Variants in LDB2 observed in about 807,000 individuals in gnomAD.
LDB2 encodes the protein LIM domain binding 2.
In LDB2, 12 loss-of-function variants were observed where a neutral mutation model predicts 44.3. The observed-to-expected ratio is 0.27, with a 90% CI of 0.17 to 0.44. The LOEUF is 0.44. LDB2 is among the 20% of genes least tolerant of loss of function. LDB2 has a pLI of 1.00. For synonymous variants in LDB2, 164 were observed against 174.8 expected (o/e 0.94, Z 0.49); for missense variants, 344 against 473.5 (o/e 0.73, Z 2.54).
At chr4:16,576,944 A>G (rs528752690) in intron 5 of LDB2, among the ~76,000 whole-genome samples, 39 of 152,352 alleles carry the variant, frequency 2.6e-4, no homozygotes, top group African/African-American at 8.2e-4. Flanking sequence ...AAATCAATCA[A>G]TATGATACAT....
chr4:16,563,854 C>T (rs1560486924), intron 5 of LDB2, among the ~76,000 whole-genome samples: 1 of 152,118 alleles, frequency 6.6e-6, no homozygotes, highest in Non-Finnish European at 1.5e-5. Flanking sequence ...CTGCAGTCCC[C>T]AGTTCATGGC....
At position 16,890,386 on chromosome 4, in the gene LDB2, G is replaced by C. The variant is rs552832089; in HGVS notation, c.132+7968C>G. 1.3e-3 allele frequency among the ~76,000 whole-genome samples: 198 copies of C among 152,322 alleles called. No individual in the cohort carries two copies. The Middle Eastern group carries it at 0.017, about 13-fold the overall frequency. On this transcript the variant is annotated intron_variant, in intron 1 of 7. Transcript: ENST00000304523. ...CGGAGTGCTGTTAAGAGGCCGTCCTGATTCCAAAAAGAGAGGCTGGGGGCT... is the reference window on the plus strand; with the variant it reads ...CGGAGTGCTGTTAAGAGGCCGTCCTCATTCCAAAAAGAGAGGCTGGGGGCT...
At chr4:16,523,014 G>A (rs1726849419) in intron 5 of LDB2, among the ~76,000 whole-genome samples, 1 of 152,226 alleles carries the variant, frequency 6.6e-6, no homozygotes, top group Non-Finnish European at 1.5e-5. Flanking sequence ...ATGAAGGCCA[G>A]TGGCCCAGAA....
At chr4:16,678,650 T>C (rs1746954144) in intron 2 of LDB2, among the ~76,000 whole-genome samples, 1 of 152,204 alleles carries the variant, frequency 6.6e-6, no homozygotes, top group African/African-American at 2.4e-5. Flanking sequence ...TCCAGCTTGG[T>C]TTTATTCTCT....
intron 5 of LDB2, among the ~76,000 whole-genome samples, chr4:16,576,548 C>A (rs912012673): frequency 1.6e-4 from 25 of 152,096 alleles, no homozygotes; most frequent in African/African-American, 6.0e-4. Flanking sequence ...AATCCAAAAC[C>A]TGAACACCTC....
intron 1 of LDB2, among the ~76,000 whole-genome samples, chr4:16,800,651 A>T (rs1269712101): frequency 1.3e-5 from 2 of 152,188 alleles, no homozygotes; most frequent in African/African-American, 2.4e-5. Context: ...ATAGAGAGGA[A>T]TAGAAGACGT....
intron 2 of LDB2, among the ~76,000 whole-genome samples, chr4:16,614,809 G>T (rs553927544): frequency 2.0e-5 from 3 of 151,770 alleles, no homozygotes; most frequent in Non-Finnish European, 4.4e-5. Context: ...GGTGGCTCAC[G>T]CCTGTAATCC....
chr4:16,805,833 G>A (rs912777648), intron 1 of LDB2, among the ~76,000 whole-genome samples: 7 of 152,178 alleles, frequency 4.6e-5, no homozygotes, highest in African/African-American at 1.4e-4. Flanking sequence ...TGTGCCATGG[G>A]GAGAAATTAT....
chr4:16,862,956 C>A lies in LDB2; in HGVS notation c.132+35398G>T, dbSNP rs150080721. On this transcript the variant is annotated intron_variant, in intron 1 of 7. Coordinates refer to ENST00000304523, the MANE Select transcript of LDB2 (RefSeq NM_001290.5). ...GACGAGGAAAGGAAAGAGCGTCCAGCGAGTCAGAGTCAGCTGAGTAAGGGC... is the reference window on the plus strand; with the variant it reads ...GACGAGGAAAGGAAAGAGCGTCCAGAGAGTCAGAGTCAGCTGAGTAAGGGC... Among the ~76,000 whole-genome samples the A allele has an allele frequency of 1.1e-3, 169 of 152,220 alleles. 1 individual carries two copies. The highest frequency in any genetic ancestry group is 3.9e-3 in the African/African-American group (160 of 41,532).
intron 1 of LDB2, among the ~76,000 whole-genome samples, chr4:16,867,113 G>A (rs918921444): frequency 1.3e-5 from 2 of 152,124 alleles, no homozygotes; most frequent in African/African-American, 2.4e-5. Flanking sequence ...ATGCTGTGGG[G>A]AAGTCCAAGG....
At chr4:16,739,054 AG>A (rs1762431853) in intron 2 of LDB2, among the ~76,000 whole-genome samples, 1 of 152,112 alleles carries the variant, frequency 6.6e-6, no homozygotes, top group Non-Finnish European at 1.5e-5. Flanking sequence ...TTGAAAGAGA[AG>A]GCTTTTTCCA....
chr4:16,872,411 G>T (rs1561501160), intron 1 of LDB2, among the ~76,000 whole-genome samples: 1 of 151,832 alleles, frequency 6.6e-6, no homozygotes, highest in Non-Finnish European at 1.5e-5. Flanking sequence ...CCTCAGAATT[G>T]AATAAAACTT....
chr4:16,621,973 G>A (rs1306031267), intron 2 of LDB2, among the ~76,000 whole-genome samples: 1 of 152,190 alleles, frequency 6.6e-6, no homozygotes, highest in Non-Finnish European at 1.5e-5. Flanking sequence ...TTATGTTGGT[G>A]CAAAAGTAAT....
At chr4:16,809,622 A>G (rs1779415927) in intron 1 of LDB2, among the ~76,000 whole-genome samples, 1 of 152,098 alleles carries the variant, frequency 6.6e-6, no homozygotes, top group Non-Finnish European at 1.5e-5. Flanking sequence ...AATCAATGTC[A>G]GTGCTTCTAG....
At chr4:16,508,727 A>G (rs776657808) in intron 6 of LDB2, 41 bp from the exon 7 acceptor site, 14 of 1,587,038 alleles carry the variant, frequency 8.8e-6, no homozygotes, top group Middle Eastern at 1.7e-4. Context: ...TTCTAGGGCA[A>G]AAGCAACAAG....
At chr4:16,842,565 C>A (rs544313708) in intron 1 of LDB2, among the ~76,000 whole-genome samples, 22 of 152,282 alleles carry the variant, frequency 1.4e-4, no homozygotes, top group Non-Finnish European at 1.6e-4. Flanking sequence ...TTTGAATACA[C>A]CCCATGAGTG....
At chr4:16,515,981 A>C (rs1477373391) in intron 5 of LDB2, among the ~76,000 whole-genome samples, 1 of 152,074 alleles carries the variant, frequency 6.6e-6, no homozygotes, top group Admixed American at 6.5e-5. Flanking sequence ...CTCCTGCCTC[A>C]GCCTCCTGAG....
At chr4:16,610,822 C>T (rs1346444631) in intron 2 of LDB2, among the ~76,000 whole-genome samples, 1 of 152,158 alleles carries the variant, frequency 6.6e-6, no homozygotes, top group Non-Finnish European at 1.5e-5. Context: ...TTTCCCCAAC[C>T]TAGCAAGATA....
chr4:16,752,164 A>G (rs1765613002), intron 2 of LDB2, among the ~76,000 whole-genome samples: 1 of 152,224 alleles, frequency 6.6e-6, no homozygotes, highest in Non-Finnish European at 1.5e-5. Flanking sequence ...ACTCTGAGGA[A>G]GTGTATTCTT....
Sources: gnomAD v4.1 joint callset for allele counts (sites outside exome capture counted in the v4.1 genomes callset) on GRCh38, gnomAD v4.1.1 for gene constraint, MANE v1.5 for transcripts, NCBI Gene and HGNC (gene_info 2026-07-23, HGNC 2026-07-21) for gene names.